The following CADPS2 variants were observed in gnomAD, a reference collection of about 807,000 sequenced individuals.
CADPS2 encodes calcium dependent secretion activator 2.
Under a neutral mutation model 172.5 loss-of-function variants are expected in CADPS2, and 93 were observed. The ratio of observed to expected loss-of-function variants is 0.54; its 90% CI spans 0.46 to 0.64. The LOEUF (loss-of-function observed/expected upper bound fraction) is 0.64. Ranked by LOEUF, CADPS2 falls within the 30% of genes least tolerant of loss-of-function variation. The probability of loss-of-function intolerance (pLI) is 0.00; values close to 1 mark genes in which losing one functional copy is unlikely to be tolerated. For synonymous variants in CADPS2, 546 were observed against 555.2 expected (o/e 0.98, Z 0.23); for missense variants, 1,420 against 1,565.9 (o/e 0.91, Z 1.57).
intron 2 of CADPS2, among the ~76,000 whole-genome samples, chr7:122,733,142 AG>A (rs1158681929): frequency 6.6e-6 from 1 of 151,798 alleles, no homozygotes; most frequent in Non-Finnish European, 1.5e-5. Context: ...AGAACATGAA[AG>A]GCCAACCATG....
intron 1 of CADPS2, among the ~76,000 whole-genome samples, chr7:122,797,846 T>C (rs1311949122): frequency 6.6e-6 from 1 of 152,176 alleles, no homozygotes; most frequent in Non-Finnish European, 1.5e-5. Context: ...AACCTGCTCA[T>C]GTACCCCTGA....
At chr7:122,639,703 A>G (rs1175649344) in intron 3 of CADPS2, among the ~76,000 whole-genome samples, 1 of 152,142 alleles carries the variant, frequency 6.6e-6, no homozygotes, top group East Asian at 1.9e-4. Flanking sequence ...GATGTGCCCC[A>G]TTTTACAAAA....
At chr7:122,739,555 T>C (rs2092363380) in intron 1 of CADPS2, among the ~76,000 whole-genome samples, 1 of 152,168 alleles carries the variant, frequency 6.6e-6, no homozygotes, top group Non-Finnish European at 1.5e-5. Flanking sequence ...AAAGTTGATA[T>C]AGTTCACAAA....
At chr7:122,523,238 T>C (rs1242955617) in intron 8 of CADPS2, among the ~76,000 whole-genome samples, 12 of 152,166 alleles carry the variant, frequency 7.9e-5, no homozygotes, top group Admixed American at 7.9e-4. Flanking sequence ...CATTTTACAA[T>C]TGATCATTAT....
At chr7:122,355,731 A>T (rs149437898) in intron 27 of CADPS2, among the ~76,000 whole-genome samples, 1 of 152,298 alleles carries the variant, frequency 6.6e-6, no homozygotes, top group African/African-American at 2.4e-5. Flanking sequence ...ACTGGACAAG[A>T]ACTCACATGG....
intron 8 of CADPS2, among the ~76,000 whole-genome samples, chr7:122,515,360 T>C (rs187251608): frequency 2.6e-5 from 4 of 152,312 alleles, no homozygotes; most frequent in Admixed American, 2.6e-4. Flanking sequence ...TCTGTGGTTC[T>C]AGTGACAGGT....
intron 2 of CADPS2, among the ~76,000 whole-genome samples, chr7:122,716,219 T>C (rs781729858): frequency 3.9e-5 from 6 of 152,130 alleles, no homozygotes; most frequent in Non-Finnish European, 7.3e-5. Flanking sequence ...ACTATTCATA[T>C]ATGTTGCTGA....
chr7:122,806,386 G>A (rs760047880), intron 1 of CADPS2, among the ~76,000 whole-genome samples: 7 of 152,144 alleles, frequency 4.6e-5, no homozygotes, highest in Non-Finnish European at 7.4e-5. Context: ...CAAATCTAAC[G>A]AAATGTGATT....
intron 1 of CADPS2, among the ~76,000 whole-genome samples, chr7:122,780,619 T>C (rs1792443049): frequency 6.6e-6 from 1 of 152,110 alleles, no homozygotes; most frequent in Non-Finnish European, 1.5e-5. Context: ...GGCTCAAGTC[T>C]CAGCCTCACA....
At chr7:122,574,112 T>A (rs1429872199) in intron 7 of CADPS2, among the ~76,000 whole-genome samples, 1 of 152,004 alleles carries the variant, frequency 6.6e-6, no homozygotes, top group Non-Finnish European at 1.5e-5. Flanking sequence ...AATATATTGA[T>A]GTCGTTGAGA....
intron 3 of CADPS2, among the ~76,000 whole-genome samples, chr7:122,635,638 C>T (rs1207505003): frequency 1.3e-5 from 2 of 152,088 alleles, no homozygotes; most frequent in Admixed American, 1.3e-4. Context: ...CATAGTATTC[C>T]ATGGTGTATA....
intron 2 of CADPS2, among the ~76,000 whole-genome samples, chr7:122,675,704 C>A (rs1029272675): frequency 2.6e-5 from 4 of 152,132 alleles, no homozygotes; most frequent in African/African-American, 9.7e-5. Flanking sequence ...TCATTCCAAG[C>A]AAACCAACAC....
intron 24 of CADPS2, among the ~76,000 whole-genome samples, chr7:122,380,190 C>T (rs534776105): frequency 2.0e-5 from 3 of 151,952 alleles, no homozygotes; most frequent in African/African-American, 7.2e-5. Flanking sequence ...GGGCTCCATT[C>T]TTAAATTAGC....
chr7:122,778,193 G>A (rs1473421971), intron 1 of CADPS2, among the ~76,000 whole-genome samples: 1 of 152,086 alleles, frequency 6.6e-6, no homozygotes, highest in African/African-American at 2.4e-5. Context: ...CTGGAGTAAA[G>A]GTCACTCTTA....
chr7:122,751,022 C>A (rs778590779), intron 1 of CADPS2, among the ~76,000 whole-genome samples: 2 of 152,130 alleles, frequency 1.3e-5, no homozygotes, highest in Non-Finnish European at 2.9e-5. Flanking sequence ...ATATGGGACA[C>A]ACAGGATAAA....
At chr7:122,523,559 T>C (rs2060978370) in intron 8 of CADPS2, among the ~76,000 whole-genome samples, 1 of 152,142 alleles carries the variant, frequency 6.6e-6, no homozygotes, top group South Asian at 2.1e-4. Context: ...TTTATTCCTT[T>C]TTATTTTTAA....
chr7:122,418,394 G>C (rs2048180034), intron 17 of CADPS2, among the ~76,000 whole-genome samples: 1 of 152,206 alleles, frequency 6.6e-6, no homozygotes, highest in Non-Finnish European at 1.5e-5. Context: ...GCTGGAGTAA[G>C]AATGTGCTAA....
In CADPS2 at chr7:122,748,386, A is replaced by G. The variant is rs1017303979; in HGVS notation, c.340-11318T>C. ...ACTTTGTGCCTCAGTACCATCTGGC[A>G]TTTCATGGCACAGATCCATATGCTG... On this transcript the variant is annotated intron_variant, in intron 1 of 29. Coordinates refer to ENST00000449022, the MANE Select transcript of CADPS2 (RefSeq NM_017954.11). 2.6e-5 allele frequency among the ~76,000 whole-genome samples: 4 copies of G among 152,254 alleles called. No individual in the cohort carries two copies. The South Asian group carries it at 8.3e-4, about 32-fold the overall frequency.
At chr7:122,744,906 T>C (rs1386876973) in intron 1 of CADPS2, among the ~76,000 whole-genome samples, 2 of 152,094 alleles carry the variant, frequency 1.3e-5, no homozygotes, top group Non-Finnish European at 2.9e-5. Flanking sequence ...GTTAAATCCA[T>C]TAATTATTCC....
Sources: gnomAD v4.1 joint callset for allele counts (sites outside exome capture counted in the v4.1 genomes callset) on GRCh38, gnomAD v4.1.1 for gene constraint, MANE v1.5 for transcripts, NCBI Gene and HGNC (gene_info 2026-07-23, HGNC 2026-07-21) for gene names.